TTC28: variants seen among roughly 807,000 people sequenced by gnomAD.
TTC28 encodes the protein tetratricopeptide repeat protein 28.
A neutral mutation model predicts 198.0 loss-of-function variants in TTC28; 61 were observed. The ratio of observed to expected loss-of-function variants is 0.31; its 90% CI spans 0.25 to 0.38. TTC28 has a LOEUF of 0.38. TTC28 is among the 10% of genes least tolerant of loss of function. The pLI is 1.00. For missense variants in TTC28, 2,678 were observed against 3,164.0 expected (o/e 0.85, Z 3.69); for synonymous variants, 1,171 against 1,297.8 (o/e 0.90, Z 2.10).
intron 2 of TTC28, among the ~76,000 whole-genome samples, chr22:28,626,881 C>G (rs923391190): frequency 1.3e-5 from 2 of 151,692 alleles, no homozygotes; most frequent in Non-Finnish European, 2.9e-5. Context: ...TATTTTTTGT[C>G]TATAATAATA....
rs1053364262 is a variant in TTC28 at position 28,275,957 on chromosome 22, G to A, written c.933+20241C>T. ...GATCTACAGAAAGTGACAGGCTTTA[G>A]AGGACAGTTTTATAGATGGCTAAGA... is the stretch of plus-strand genomic sequence containing the variant. On this transcript the variant is annotated intron_variant, in intron 5 of 22. Coordinates refer to ENST00000397906, the MANE Select transcript of TTC28 (RefSeq NM_001145418.2). Among the ~76,000 whole-genome samples the A allele has an allele frequency of 2.0e-5, 3 of 152,060 alleles. No homozygotes were observed. The East Asian group carries it at 5.8e-4, about 29-fold the overall frequency.
intron 2 of TTC28, among the ~76,000 whole-genome samples, chr22:28,611,979 T>C (rs1043073077): frequency 6.6e-6 from 1 of 151,990 alleles, no homozygotes; most frequent in Non-Finnish European, 1.5e-5. Context: ...TCACACAAGA[T>C]TAACCTTAAA....
At chr22:28,067,937 T>G (rs1206594948) in intron 12 of TTC28, among the ~76,000 whole-genome samples, 1 of 152,220 alleles carries the variant, frequency 6.6e-6, no homozygotes, top group African/African-American at 2.4e-5. Flanking sequence ...GTGCCTAAGC[T>G]ATGTAAAAGT....
At chr22:28,163,729 G>C in intron 5 of TTC28, 130 bp from the exon 6 acceptor site, 1 of 1,019,930 alleles carries the variant, frequency 9.8e-7, no homozygotes, top group Non-Finnish European at 1.4e-6. Flanking sequence ...CTCCCAGCGT[G>C]AGTGACGCAG....
intron 12 of TTC28, among the ~76,000 whole-genome samples, chr22:28,089,520 G>T (rs967629781): frequency 6.6e-6 from 1 of 150,728 alleles, no homozygotes; most frequent in East Asian, 2.0e-4. Context: ...GTTGTGGGGT[G>T]GGGGGATGGG....
chr22:28,492,204 A>G (rs1337666463), intron 2 of TTC28, among the ~76,000 whole-genome samples: 1 of 152,204 alleles, frequency 6.6e-6, no homozygotes, highest in Non-Finnish European at 1.5e-5. Flanking sequence ...TGGCACATGT[A>G]CACATATGTA....
chr22:28,247,729 C>T (rs1022643254), intron 5 of TTC28, among the ~76,000 whole-genome samples: 1 of 152,122 alleles, frequency 6.6e-6, no homozygotes, highest in Non-Finnish European at 1.5e-5. Context: ...CAGAGAAAGG[C>T]CTTGTCAACA....
chr22:28,253,412 T>C (rs1930666567), intron 5 of TTC28, among the ~76,000 whole-genome samples: 1 of 152,086 alleles, frequency 6.6e-6, no homozygotes, highest in South Asian at 2.1e-4. Flanking sequence ...CAATGAAATG[T>C]TACTGCAATG....
At chr22:28,386,914 A>C (rs1215690945) in intron 2 of TTC28, among the ~76,000 whole-genome samples, 1 of 152,028 alleles carries the variant, frequency 6.6e-6, no homozygotes, top group East Asian at 1.9e-4. Context: ...ACATATGCAT[A>C]CATGTGCCAT....
At position 27,998,948 on chromosome 22, in the gene TTC28, T is replaced by G; in HGVS notation, c.4711A>C (p.Ser1571Arg). The G allele has an allele frequency of 1.3e-6, 2 of 1,550,764 alleles. No homozygotes were observed. Among genetic ancestry groups the G allele is most frequent in the Non-Finnish European group, 1.7e-6 (2 of 1,146,934 alleles). The change falls in exon 16 of 23, where the codon AGC (serine) becomes CGC (arginine). Residue 1571 changes from serine to arginine, a missense_variant. Transcript: ENST00000397906. ...ATCGTGTAGGGGTGGCCGAAGGAGC[T>G]CTTGCTGCTGGCAGGGTTGCCGTCC... ...SMDGNPASSK[S>R]SFGHPYTIPE... is the part of the protein sequence containing the mutation.
intron 2 of TTC28, among the ~76,000 whole-genome samples, chr22:28,395,267 A>G (rs1349579164): frequency 6.6e-6 from 1 of 152,124 alleles, no homozygotes; most frequent in Admixed American, 6.6e-5. Flanking sequence ...GAGCAAATTA[A>G]TCTTCCTCCC....
chr22:28,426,807 T>G (rs2146190265), intron 2 of TTC28, among the ~76,000 whole-genome samples: 2 of 152,274 alleles, frequency 1.3e-5, no homozygotes, highest in South Asian at 4.2e-4. Context: ...CAGTACCCCA[T>G]TAAAAAAGTA....
At chr22:28,266,724 T>G (rs975783348) in intron 5 of TTC28, among the ~76,000 whole-genome samples, 1 of 152,108 alleles carries the variant, frequency 6.6e-6, no homozygotes, top group Non-Finnish European at 1.5e-5. Flanking sequence ...GTAAGCCCCA[T>G]GGAACCCAGC....
At chr22:28,431,692 T>C (rs1313543698) in intron 2 of TTC28, among the ~76,000 whole-genome samples, 1 of 152,146 alleles carries the variant, frequency 6.6e-6, no homozygotes, top group Non-Finnish European at 1.5e-5. Context: ...ATATCAGTAA[T>C]ATAGGCCAAG....
intron 5 of TTC28, among the ~76,000 whole-genome samples, chr22:28,168,227 G>C (rs141599216): frequency 2.0e-5 from 3 of 152,120 alleles, no homozygotes; most frequent in East Asian, 1.9e-4. Context: ...AATCAATATC[G>C]TGAAAATGGC....
In TTC28 at chr22:27,978,057, C is replaced by A. The variant is rs907161314; in HGVS notation, c.*4164G>T. 1.3e-5 allele frequency: 2 copies of A among 152,206 alleles called. No individual in the cohort carries two copies. The highest frequency in any genetic ancestry group is 1.3e-4 in the Admixed American group (2 of 15,288). The allele number at this position is 152,206 out of a possible 1,614,324, so 9.4% of individuals were successfully genotyped here. A position where few individuals can be genotyped will look rare whatever the true frequency, so the allele number is the denominator to read the frequency against. On this transcript the variant is annotated 3_prime_UTR_variant, in exon 23 of 23. Coordinates refer to ENST00000397906, the MANE Select transcript of TTC28 (RefSeq NM_001145418.2). ...ATGCTTTAATAGACACTGAAAATCACAAAGGAGGAAGGCCAAGTGCCTTAG... is the reference window on the plus strand; with the variant it reads ...ATGCTTTAATAGACACTGAAAATCAAAAAGGAGGAAGGCCAAGTGCCTTAG...
chr22:28,038,204 T>C (rs973781970), intron 12 of TTC28, among the ~76,000 whole-genome samples: 1 of 152,204 alleles, frequency 6.6e-6, no homozygotes. Context: ...AGAGCCCACA[T>C]TGGCAAGTCA....
At chr22:28,476,612 T>C (rs887840324) in intron 2 of TTC28, among the ~76,000 whole-genome samples, 2 of 152,190 alleles carry the variant, frequency 1.3e-5, no homozygotes, top group Non-Finnish European at 2.9e-5. Flanking sequence ...AACTGTTAAA[T>C]GGCATTTCTA....
intron 6 of TTC28, among the ~76,000 whole-genome samples, chr22:28,130,682 A>G (rs1195896899): frequency 2.0e-5 from 3 of 152,226 alleles, no homozygotes; most frequent in African/African-American, 4.8e-5. Flanking sequence ...ACCAGCCTTG[A>G]AAGTCTTTTG....
Sources: allele counts gnomAD v4.1 joint callset (sites outside exome capture counted in the v4.1 genomes callset), GRCh38; gene constraint gnomAD v4.1.1; transcripts MANE v1.5; gene names NCBI Gene and HGNC (gene_info 2026-07-23, HGNC 2026-07-21).